The following GGT5 variants were observed in gnomAD, a reference collection of about 807,000 sequenced individuals.
The protein encoded by GGT5 is gamma-glutamyltransferase 5.
Under a neutral mutation model 58.1 loss-of-function variants are expected in GGT5, and 50 were observed. The observed-to-expected ratio is 0.86, with a 90% CI of 0.69 to 1.09. The LOEUF is 1.09. Ranked by LOEUF, GGT5 falls within the 50% of genes least tolerant of loss-of-function variation. The pLI is 0.00. For synonymous variants in GGT5, 370 were observed against 346.1 expected, an observed-to-expected ratio of 1.07 and a Z score of -0.77; for missense variants, 800 against 789.4, an observed-to-expected ratio of 1.01 and a Z score of -0.16.
intron 8 of GGT5, 88 bp downstream of exon 8, chr22:24,225,988 G>C (rs1282025364): frequency 1.1e-6 from 1 of 938,154 alleles, no homozygotes; most frequent in Non-Finnish European, 1.6e-6. Context: ...CTGCCCCGTG[G>C]GGACAAGTGA....
rs1240254295 is a variant in GGT5, at chr22:24,226,240, CT to C, written c.1064del (p.Glu355GlyfsTer92). Reference sequence around the variant, plus strand: ...GTTGGCGGATGAGCTGGGCCAGGGTCTCCCCCAGCAGGTCCCGGGAGGCATT... The same window carrying C: ...GTTGGCGGATGAGCTGGGCCAGGGTCCCCCCAGCAGGTCCCGGGAGGCATT... ...LQNASRDLLG[E>X]TLAQLIRQQI... On this transcript the variant is annotated frameshift_variant, in exon 8 of 12. Transcript: ENST00000327365. LOFTEE classifies it high-confidence loss of function. The C allele has an allele frequency of 3.7e-6, 6 of 1,606,038 alleles. No individual in the cohort carries two copies. The African/African-American group carries it at 5.3e-5, about 14-fold the overall frequency.
chr22:24,220,059 GGAA>G lies in GGT5; in HGVS notation c.1669_1671del (p.Phe557del). 6.2e-7 allele frequency: 1 copy of G among 1,614,166 alleles called. No homozygotes were observed. The highest frequency in any genetic ancestry group is 8.5e-7 in the Non-Finnish European group (1 of 1,179,984). On this transcript the variant is annotated inframe_deletion, in exon 12 of 12. Coordinates refer to ENST00000327365, the MANE Select transcript of GGT5 (RefSeq NM_004121.5). ...TGGGACACAGCCTGGACCACGTTCAGGAAGAAGGGCCTCTGGGTCTGGTTCTGG... is the reference window on the plus strand; with the variant it reads ...TGGGACACAGCCTGGACCACGTTCAGGAAGGGCCTCTGGGTCTGGTTCTGG...
intron 11 of GGT5, among the ~76,000 whole-genome samples, chr22:24,224,416 C>A (rs563859674): frequency 6.6e-6 from 1 of 151,826 alleles, no homozygotes; most frequent in East Asian, 1.9e-4. Flanking sequence ...TCCTTGGGAG[C>A]CTGAGGAGGA....
At chr22:24,226,314 T>G in intron 7 of GGT5, 48 bp from the exon 8 acceptor site, 2 of 1,449,056 alleles carry the variant, frequency 1.4e-6, no homozygotes, top group Non-Finnish European at 1.9e-6. Context: ...CCAGGCAGAA[T>G]CCGCAGAACC....
chr22:24,238,826 TATATATTTATA>T (rs2048204758), intron 1 of GGT5, among the ~76,000 whole-genome samples: 1 of 11,894 alleles, frequency 8.4e-5, no homozygotes, highest in Non-Finnish European at 1.2e-4. Context: ...TATATATATA[TATATATTTATA>T]TATATATATT....
intron 6 of GGT5, among the ~76,000 whole-genome samples, chr22:24,228,380 G>A (rs2047838412): frequency 6.6e-6 from 1 of 151,374 alleles, no homozygotes; most frequent in South Asian, 2.1e-4. Flanking sequence ...ATCTGCCCAT[G>A]AGTGGCCTGT....
At chr22:24,223,332 C>T (rs2047655435) in intron 11 of GGT5, among the ~76,000 whole-genome samples, 1 of 151,900 alleles carries the variant, frequency 6.6e-6, no homozygotes, top group African/African-American at 2.4e-5. Flanking sequence ...ACCTGGGAAG[C>T]GGAGGTTGTG....
Position 24,233,608 on chromosome 22 carries a change from G to C in GGT5, c.305-15C>G. On this transcript the variant is annotated splice_polypyrimidine_tract_variant and intron_variant, in intron 2 of 11. Coordinates refer to ENST00000327365, the MANE Select transcript of GGT5 (RefSeq NM_004121.5). The stretch of plus-strand genomic sequence containing the variant: ...CTCCACCTTCCCTGGAGTAGGGCAG[G>C]GCAGGTGAGTGGTCATGGACCCTGC... 6.5e-7 allele frequency: 1 copy of C among 1,543,526 alleles called. No homozygotes were observed. Among genetic ancestry groups the C allele is most frequent in the Non-Finnish European group, 8.9e-7 (1 of 1,126,190 alleles).
intron 11 of GGT5, among the ~76,000 whole-genome samples, chr22:24,222,919 T>C (rs1396864893): frequency 6.6e-6 from 1 of 150,422 alleles, no homozygotes; most frequent in Non-Finnish European, 1.5e-5. Flanking sequence ...CTACTAAAAA[T>C]ACAAAAAATT....
At position 24,230,535 on chromosome 22, in the gene GGT5, G is replaced by A. The variant is rs558969049; in HGVS notation, c.901+849C>T. On this transcript the variant is annotated intron_variant, in intron 6 of 11. Transcript: ENST00000327365. Reference sequence around the variant, plus strand: ...ATTGTGCCACTGTGCTCTACCCTAGGCGACAGAGCAAGACACCGTCTCAAT... The same window carrying A: ...ATTGTGCCACTGTGCTCTACCCTAGACGACAGAGCAAGACACCGTCTCAAT... Among the ~76,000 whole-genome samples the A allele has an allele frequency of 3.4e-4, 52 of 151,752 alleles. 1 individual carries two copies. In the South Asian group the frequency reaches 0.01, roughly 29 times the overall value.
chr22:24,230,666 T>C (rs1280481545), intron 6 of GGT5, among the ~76,000 whole-genome samples: 1 of 152,208 alleles, frequency 6.6e-6, no homozygotes, highest in Non-Finnish European at 1.5e-5. Flanking sequence ...ATTTTCTCTT[T>C]GAAAACTTTT....
chr22:24,238,039 C>T (rs1410281220), intron 1 of GGT5, among the ~76,000 whole-genome samples: 3 of 151,624 alleles, frequency 2.0e-5, no homozygotes, highest in African/African-American at 7.3e-5. Context: ...ACCAGCCTGG[C>T]CAACGTGGTT....
chr22:24,228,385 G>T (rs537921102), intron 6 of GGT5, among the ~76,000 whole-genome samples: 3 of 151,546 alleles, frequency 2.0e-5, no homozygotes, highest in East Asian at 3.9e-4. Context: ...CCCATGAGTG[G>T]CCTGTCCAGT....
intron 1 of GGT5, among the ~76,000 whole-genome samples, chr22:24,237,520 T>G (rs1461537700): frequency 1.3e-5 from 2 of 152,156 alleles, no homozygotes; most frequent in African/African-American, 4.8e-5. Context: ...GCAATTCTCC[T>G]GTCTCAGCCT....
intron 1 of GGT5, among the ~76,000 whole-genome samples, chr22:24,234,691 G>T (rs2048047797): frequency 6.6e-6 from 1 of 152,122 alleles, no homozygotes; most frequent in South Asian, 2.1e-4. Context: ...GTGATGGCGG[G>T]CACCTGTAAT....
At chr22:24,222,880 A>G (rs982767783) in intron 11 of GGT5, among the ~76,000 whole-genome samples, 2 of 150,808 alleles carry the variant, frequency 1.3e-5, no homozygotes, top group Non-Finnish European at 3.0e-5. Flanking sequence ...GATCGAGACC[A>G]TCCTGGCTAA....
chr22:24,233,582 C>A lies in GGT5; in HGVS notation c.316G>T (p.Val106Phe). 1.2e-6 allele frequency: 2 copies of A among 1,606,376 alleles called. No individual in the cohort carries two copies. The highest frequency in any genetic ancestry group is 1.7e-6 in the Non-Finnish European group (2 of 1,176,568). ...IYNVTTGKVE[V>F]INARETVPAS... Reference sequence around the variant, plus strand: ...GGCACCGTCTCCCGGGCATTGATGACCTCCACCTTCCCTGGAGTAGGGCAG... The same window carrying A: ...GGCACCGTCTCCCGGGCATTGATGAACTCCACCTTCCCTGGAGTAGGGCAG... Residue 106 changes from valine (V) to phenylalanine (F), a missense_variant, in exon 3 of 12, where the codon GTC becomes TTC. By Grantham distance (50) the Val-to-Phe change is conservative (BLOSUM62 -1). Transcript: ENST00000327365.
chr22:24,238,958 AAT>A (rs1556043413), intron 1 of GGT5, among the ~76,000 whole-genome samples: 1 of 24,306 alleles, frequency 4.1e-5, no homozygotes, highest in Non-Finnish European at 8.9e-5. Context: ...ATATATATAT[AAT>A]ATATATATAG....
Position 24,238,852 on chromosome 22 carries a change from ATAT to A in GGT5, c.174-4851_174-4849del, listed in dbSNP as rs1353264946. 1.1e-3 allele frequency among the ~76,000 whole-genome samples: 15 copies of A among 14,012 alleles called. 1 individual carries two copies. The highest frequency in any genetic ancestry group is 5.4e-3 in the African/African-American group (13 of 2,392). The allele number at this position is 14,012 out of a possible 152,430, so 9.2% of individuals were successfully genotyped here. A position where few individuals can be genotyped will look rare whatever the true frequency, so the allele number is the denominator to read the frequency against. ...ATATATTTATATATATATATTATAT[ATAT>A]TATATATATAATATATATAATATAT... On this transcript the variant is annotated intron_variant, in intron 1 of 11. Transcript: ENST00000327365.
Sources: allele counts gnomAD v4.1 joint callset (sites outside exome capture counted in the v4.1 genomes callset), GRCh38; gene constraint gnomAD v4.1.1; transcripts MANE v1.5; gene names NCBI Gene and HGNC (gene_info 2026-07-23, HGNC 2026-07-21).